The following TRPS1 variants were observed in gnomAD, a reference collection of about 807,000 sequenced individuals.
The protein encoded by TRPS1 is zinc finger transcription factor Trps1.
In TRPS1, 6 loss-of-function variants were observed where a neutral mutation model predicts 101.2. That is an observed-to-expected ratio of 0.06 (90% CI 0.03 to 0.12). The LOEUF (loss-of-function observed/expected upper bound fraction) is 0.12, where lower values mean the gene tolerates loss of function less well. Ranked by LOEUF, TRPS1 falls within the 10% of genes least tolerant of loss-of-function variation. TRPS1 has a pLI of 1.00. For missense variants in TRPS1, 1,363 were observed against 1,567.0 expected, an observed-to-expected ratio of 0.87 and a Z score of 2.20; for synonymous variants, 578 against 589.8, an observed-to-expected ratio of 0.98 and a Z score of 0.29.
chr8:115,620,691 G>A (rs553082014), intron 2 of TRPS1, among the ~76,000 whole-genome samples: 42 of 152,284 alleles, frequency 2.8e-4, no homozygotes, highest in South Asian at 8.3e-4. Context: ...TTCAGGAAGC[G>A]GAGGATGACA....
At chr8:115,432,436 G>C (rs1180641) in intron 5 of TRPS1, among the ~76,000 whole-genome samples, 151,944 of 151,944 alleles carry the variant, frequency 1, 75,972 homozygotes, top group Non-Finnish European at 1. Context: ...AACTTGTGTA[G>C]ATATACACAC....
At chr8:115,463,321 T>A (rs1325521605) in intron 5 of TRPS1, among the ~76,000 whole-genome samples, 1 of 152,176 alleles carries the variant, frequency 6.6e-6, no homozygotes, top group Non-Finnish European at 1.5e-5. Context: ...AAATTTAGTA[T>A]AAGCAATTTG....
At position 115,619,293 on chromosome 8, in the gene TRPS1, G is replaced by C. The variant is rs770670680; in HGVS notation, c.805C>G (p.Gln269Glu). The change falls in exon 3 of 7, where the codon CAA becomes GAA. Residue 269 changes from glutamine (Q) to glutamate (E), a missense_variant. By Grantham distance (29) the Gln-to-Glu change is conservative. Around this residue, in one of 5 missense-constraint regions of TRPS1, gnomAD observed 1,020 missense variants for 1,073.0 expected, o/e 0.95. Coordinates refer to ENST00000395715, the MANE Select transcript of TRPS1 (RefSeq NM_014112.5). ...ATTTTGCTGTCCAGCTCAGCATCTT[G>C]CCTGGTGCGGTTATGCAGTCCTAAG... ...YHLGLHNRTR[Q>E]DAELDSKILA... 2 of 1,614,084 alleles carry C rather than the reference G, an allele frequency of 1.2e-6. No homozygotes were observed. The highest frequency in any genetic ancestry group is 3.3e-5 in the Admixed American group (2 of 60,020).
At chr8:115,535,881 G>A (rs1418162639) in intron 5 of TRPS1, among the ~76,000 whole-genome samples, 2 of 151,698 alleles carry the variant, frequency 1.3e-5, no homozygotes, top group African/African-American at 2.4e-5. Flanking sequence ...AAACTGCAGA[G>A]CATTATAATA....
intron 5 of TRPS1, among the ~76,000 whole-genome samples, chr8:115,555,570 G>C (rs894470116): frequency 1.3e-5 from 2 of 151,990 alleles, no homozygotes; most frequent in African/African-American, 4.8e-5. Context: ...ATGTGAAGCA[G>C]AGGGGGTTGA....
chr8:115,462,638 TCTC>T (rs1475814911), intron 5 of TRPS1, among the ~76,000 whole-genome samples: 54 of 70,230 alleles, frequency 7.7e-4, no homozygotes, highest in Admixed American at 1.2e-3. Context: ...TCTCTCTCTC[TCTC>T]TTTTTTTTTT....
intron 5 of TRPS1, among the ~76,000 whole-genome samples, chr8:115,568,718 G>A (rs1348190528): frequency 2.0e-5 from 3 of 151,986 alleles, no homozygotes; most frequent in African/African-American, 7.2e-5. Context: ...AACTTATATA[G>A]AAATTTAATG....
chr8:115,619,817 C>A lies in TRPS1; in HGVS notation c.281G>T (p.Ser94Ile). The A allele has an allele frequency of 1.2e-6, 2 of 1,614,198 alleles. No homozygotes were observed. Among genetic ancestry groups the A allele is most frequent in the Non-Finnish European group, 1.7e-6 (2 of 1,180,024 alleles). Residue 94 changes from serine (S) to isoleucine (I), a missense_variant, in exon 3 of 7, where the codon AGT (serine) becomes ATT (isoleucine). Physicochemically the swap from Ser to Ile is moderately radical, Grantham distance 142 (BLOSUM62 -2). This residue lies in a region of TRPS1 where 1,020 missense variants were observed against 1,073.0 expected (regional missense o/e 0.95). Transcript: ENST00000395715. ...TTCATAATTGAAGCCAGCCTTCTCA[C>A]TCAGAACTGCGCTTTTCAAGTCCTT... Reference protein sequence around the residue: ...SKKDLKSAVLSEKAGFNYESP... With the variant: ...SKKDLKSAVLIEKAGFNYESP...
intron 3 of TRPS1, among the ~76,000 whole-genome samples, chr8:115,607,646 C>A (rs1010765062): frequency 2.0e-5 from 3 of 151,310 alleles, no homozygotes; most frequent in East Asian, 1.9e-4. Context: ...TGGTTAATAT[C>A]GGTAAATAAT....
At chr8:115,624,095 C>A (rs958545535) in intron 1 of TRPS1, among the ~76,000 whole-genome samples, 1 of 151,896 alleles carries the variant, frequency 6.6e-6, no homozygotes, top group Non-Finnish European at 1.5e-5. Context: ...TTTGTAAACA[C>A]CAGCAAATGC....
intron 5 of TRPS1, among the ~76,000 whole-genome samples, chr8:115,572,695 C>T (rs1817233020): frequency 6.6e-6 from 1 of 152,138 alleles, no homozygotes; most frequent in South Asian, 2.1e-4. Flanking sequence ...TCCAACTCCT[C>T]TATTCCCTAT....
intron 5 of TRPS1, among the ~76,000 whole-genome samples, chr8:115,544,401 C>T (rs1029774794): frequency 5.9e-5 from 9 of 151,856 alleles, no homozygotes; most frequent in Non-Finnish European, 1.3e-4. Flanking sequence ...GGATTGGAGG[C>T]AGGTGGAAGG....
intron 5 of TRPS1, among the ~76,000 whole-genome samples, chr8:115,533,436 G>GTTTTTTGTTTTTTTTTTTT (rs1816188062): frequency 3.4e-4 from 12 of 34,974 alleles, no homozygotes; most frequent in African/African-American, 1.1e-3. Context: ...CATGTAATCT[G>GTTTTTTGTTTTTTTTTTTT]TTTTTTTTTT....
At chr8:115,452,990 T>C (rs535248608) in intron 5 of TRPS1, among the ~76,000 whole-genome samples, 6 of 152,088 alleles carry the variant, frequency 3.9e-5, no homozygotes, top group South Asian at 2.1e-4. Flanking sequence ...TGAAACAGTA[T>C]AGTAATAAAA....
chr8:115,487,591 T>C lies in TRPS1; in HGVS notation c.2701-69139A>G, dbSNP rs115814855. Among the ~76,000 whole-genome samples, 857 of 152,334 alleles carry C rather than the reference T, an allele frequency of 5.6e-3. 11 individuals carry two copies. Among genetic ancestry groups the C allele is most frequent in the African/African-American group, 0.02 (820 of 41,580 alleles). ...TGGGAGGAGGTTAAAATATTAACAC[T>C]AACAGGAGTTTGTAAGAAGTTGATT... On this transcript the variant is annotated intron_variant, in intron 5 of 6. Transcript: ENST00000395715.
intron 4 of TRPS1, among the ~76,000 whole-genome samples, chr8:115,595,304 T>C (rs1361086667): frequency 6.6e-6 from 1 of 151,834 alleles, no homozygotes; most frequent in Non-Finnish European, 1.5e-5. Flanking sequence ...TGTAAAATGA[T>C]AAAATGAAAA....
At chr8:115,661,249 T>C (rs1242221325) in intron 1 of TRPS1, among the ~76,000 whole-genome samples, 2 of 151,994 alleles carry the variant, frequency 1.3e-5, no homozygotes. Context: ...ATGTTTAAAC[T>C]CCATACTCAT....
At chr8:115,571,526 G>A (rs1447495807) in intron 5 of TRPS1, among the ~76,000 whole-genome samples, 1 of 152,044 alleles carries the variant, frequency 6.6e-6, no homozygotes, top group East Asian at 1.9e-4. Flanking sequence ...ATATCCCAGG[G>A]ATCGTAGGAA....
At chr8:115,475,711 GGAATGTATC>G (rs1814588446) in intron 5 of TRPS1, among the ~76,000 whole-genome samples, 1 of 152,060 alleles carries the variant, frequency 6.6e-6, no homozygotes, top group African/African-American at 2.4e-5. Context: ...TTTAATACCA[GGAATGTATC>G]ATGTAATGAA....
Sources: allele counts gnomAD v4.1 joint callset (sites outside exome capture counted in the v4.1 genomes callset), GRCh38; gene constraint gnomAD v4.1.1; regional missense constraint gnomAD v4.1.1; transcripts MANE v1.5; gene names NCBI Gene and HGNC (gene_info 2026-07-23, HGNC 2026-07-21).